The following KANSL1 variants were observed in gnomAD, a reference collection of about 807,000 sequenced individuals.
The protein encoded by KANSL1 is MLL1/MLL complex subunit KANSL1.
A neutral mutation model predicts 103.6 loss-of-function variants in KANSL1; 22 were observed. That is an observed-to-expected ratio of 0.21 (90% CI 0.15 to 0.30). KANSL1 has a LOEUF of 0.30. Among genes scored for constraint, KANSL1 ranks in the 10% least tolerant of loss-of-function variants. KANSL1 has a pLI of 1.00. For missense variants in KANSL1, 1,337 were observed against 1,399.8 expected, an observed-to-expected ratio of 0.96 and a Z score of 0.72; for synonymous variants, 600 against 527.6, an observed-to-expected ratio of 1.14 and a Z score of -1.88.
chr17:46,188,923 C>A (rs2147894032), intron 1 of KANSL1, among the ~76,000 whole-genome samples: 2 of 150,258 alleles, frequency 1.3e-5, no homozygotes, highest in South Asian at 4.2e-4. Context: ...ATGCCAGCTA[C>A]GCAGGAGGCT....
intron 2 of KANSL1, among the ~76,000 whole-genome samples, chr17:46,124,844 G>A (rs1224489648): frequency 2.6e-5 from 4 of 151,762 alleles, no homozygotes; most frequent in African/African-American, 4.9e-5. Context: ...GCAATCTCGT[G>A]ATAAAACTGA....
At chr17:46,104,194 CT>C (rs2042435524) in intron 2 of KANSL1, among the ~76,000 whole-genome samples, 1 of 152,144 alleles carries the variant, frequency 6.6e-6, no homozygotes, top group Non-Finnish European at 1.5e-5. Flanking sequence ...CTTTAAACTC[CT>C]TTCAATACCC....
At chr17:46,165,160 T>A (rs1009313581) in intron 2 of KANSL1, among the ~76,000 whole-genome samples, 1 of 152,228 alleles carries the variant, frequency 6.6e-6, no homozygotes, top group African/African-American at 2.4e-5. Context: ...ACAAAGCAAT[T>A]TGATTGCCAC....
chr17:46,207,734 T>C (rs1462225014), intron 1 of KANSL1, among the ~76,000 whole-genome samples: 4 of 152,126 alleles, frequency 2.6e-5, no homozygotes, highest in Non-Finnish European at 1.5e-5. Flanking sequence ...TCCCAACACT[T>C]TGGGAGGCCA....
chr17:46,102,245 C>T (rs754299520), intron 2 of KANSL1, among the ~76,000 whole-genome samples: 4 of 151,966 alleles, frequency 2.6e-5, no homozygotes, highest in African/African-American at 4.8e-5. Context: ...AACAAATGTA[C>T]CAGAGCCAAT....
intron 2 of KANSL1, among the ~76,000 whole-genome samples, chr17:46,158,768 T>C (rs540020600): frequency 6.6e-6 from 1 of 152,344 alleles, no homozygotes; most frequent in Admixed American, 6.5e-5. Context: ...CTCAAACTCC[T>C]GACCTCAAGC....
At chr17:46,151,840 C>A (rs2045125337) in intron 2 of KANSL1, among the ~76,000 whole-genome samples, 1 of 152,214 alleles carries the variant, frequency 6.6e-6, no homozygotes, top group Non-Finnish European at 1.5e-5. Flanking sequence ...ACCCATGTTT[C>A]TGGAAGGAAA....
chr17:46,116,283 C>T (rs940939998), intron 2 of KANSL1, among the ~76,000 whole-genome samples: 2 of 152,234 alleles, frequency 1.3e-5, no homozygotes, highest in Admixed American at 6.5e-5. Context: ...GTAATCCCAG[C>T]ACTTTGGGAG....
At chr17:46,156,621 A>C (rs533184378) in intron 2 of KANSL1, among the ~76,000 whole-genome samples, 1 of 152,268 alleles carries the variant, frequency 6.6e-6, no homozygotes, top group Non-Finnish European at 1.5e-5. Flanking sequence ...TACTAAAACG[A>C]AACAGAGACG....
intron 2 of KANSL1, among the ~76,000 whole-genome samples, chr17:46,158,218 T>C (rs544323445): frequency 6.6e-6 from 1 of 152,392 alleles, no homozygotes; most frequent in African/African-American, 2.4e-5. Flanking sequence ...CTGCAATAGT[T>C]TTTAAATCAA....
intron 3 of KANSL1, among the ~76,000 whole-genome samples, chr17:46,086,216 C>T (rs1387577633): frequency 1.3e-5 from 2 of 152,058 alleles, no homozygotes; most frequent in African/African-American, 4.8e-5. Flanking sequence ...AGAATTTTTC[C>T]TTAAACTACA....
upstream of KANSL1, among the ~76,000 whole-genome samples, chr17:46,198,255 A>G (rs1484420072): frequency 6.6e-5 from 10 of 152,134 alleles, no homozygotes; most frequent in Non-Finnish European, 1.5e-5. Flanking sequence ...AAATGGAGAT[A>G]GTAATACCAC....
chr17:46,193,705 C>G, upstream of KANSL1: 1 of 271,726 alleles, frequency 3.7e-6, no homozygotes. Context: ...CGCAGCACTG[C>G]GGCAGGGGGA....
At chr17:46,125,033 TAGGG>T (rs1240176106) in intron 2 of KANSL1, among the ~76,000 whole-genome samples, 2 of 49,470 alleles carry the variant, frequency 4.0e-5, no homozygotes, top group African/African-American at 7.4e-5. Flanking sequence ...GGAGGGGAGG[TAGGG>T]AGGGAGGGAG....
At chr17:46,200,690 G>A (rs1167561785) in intron 1 of KANSL1, among the ~76,000 whole-genome samples, 4 of 152,038 alleles carry the variant, frequency 2.6e-5, no homozygotes, top group South Asian at 2.1e-4. Context: ...TGCAGCGAGC[G>A]GAGATCACGC....
chr17:46,093,164 G>A (rs1235439373), intron 3 of KANSL1: 1 of 152,132 alleles, frequency 6.6e-6, no homozygotes, highest in Non-Finnish European at 1.5e-5. Flanking sequence ...CACTGAAGAG[G>A]TGTCTCTGAT....
At chr17:46,193,832 C>A (rs1040020836), upstream of KANSL1, 3 of 165,030 alleles carry the variant, frequency 1.8e-5, no homozygotes, top group African/African-American at 7.2e-5. Flanking sequence ...CGGGCCGGCG[C>A]CGCGGAGCGA....
intron 2 of KANSL1, among the ~76,000 whole-genome samples, chr17:46,133,719 A>G (rs2043982124): frequency 6.6e-6 from 1 of 152,260 alleles, no homozygotes; most frequent in South Asian, 2.1e-4. Context: ...GAAACCTTTC[A>G]GGTAACTGAA....
chr17:46,038,589 T>C lies in KANSL1; in HGVS notation c.2490A>G (p.Ser830=), dbSNP rs200903355. The C allele has an allele frequency of 9.3e-6, 15 of 1,614,084 alleles. No individual in the cohort carries two copies. Among genetic ancestry groups the C allele is most frequent in the East Asian group, 6.7e-5 (3 of 44,866 alleles). ...TAGAGCTGGCGGGTGCAGGGGAATC[T>C]GAGGAGGTGGAGAGCTGTCGCACCA... is the stretch of plus-strand genomic sequence containing the variant. ...SPLVRQLSTS[S]DSPAPASSSS... The change falls in exon 10 of 15, where the codon TCA becomes TCG. Residue 830 remains serine (S), a synonymous_variant. Transcript: ENST00000432791.
Sources: allele counts gnomAD v4.1 joint callset (sites outside exome capture counted in the v4.1 genomes callset), GRCh38; gene constraint gnomAD v4.1.1; transcripts MANE v1.5; gene names NCBI Gene and HGNC (gene_info 2026-07-23, HGNC 2026-07-21).